Variants in NFATC3 observed in about 807,000 individuals in gnomAD.
The protein encoded by NFATC3 is nuclear factor of activated T cells 3.
In NFATC3, 46 loss-of-function variants were observed where a neutral mutation model predicts 98.6. The observed-to-expected ratio is 0.47, with a 90% CI of 0.37 to 0.60. The LOEUF is 0.60. Ranked by LOEUF, NFATC3 falls within the 20% of genes least tolerant of loss-of-function variation. NFATC3 has a pLI of 0.00. For synonymous variants in NFATC3, 512 were observed against 472.2 expected (o/e 1.08, Z -1.09); for missense variants, 1,256 against 1,295.5 (o/e 0.97, Z 0.47).
In NFATC3 at chr16:68,127,167, C is replaced by G. The variant is rs112849782; in HGVS notation, c.1401+557C>G. ...GGCAGAGGTTGCAGTGAGCCAAGAT[C>G]GTGTCGCTGCACTCCAGCCTGGGTG... On this transcript the variant is annotated intron_variant, in intron 3 of 9. Transcript: ENST00000346183. Among the ~76,000 whole-genome samples, 12 of 152,136 alleles carry G rather than the reference C, an allele frequency of 7.9e-5. No homozygotes were observed. In the South Asian group the frequency reaches 1.2e-3, roughly 16 times the overall value.
chr16:68,128,324 T>A (rs993631493), intron 3 of NFATC3, among the ~76,000 whole-genome samples: 7 of 152,150 alleles, frequency 4.6e-5, no homozygotes, highest in Admixed American at 2.0e-4. Flanking sequence ...TGGGTTTTTT[T>A]AATGATTTGT....
At chr16:68,178,548 G>T (rs747220143) in intron 6 of NFATC3, among the ~76,000 whole-genome samples, 6 of 152,134 alleles carry the variant, frequency 3.9e-5, no homozygotes, top group Non-Finnish European at 5.9e-5. Context: ...TGTAGTGGGG[G>T]AAGCACCTAT....
intron 4 of NFATC3, among the ~76,000 whole-genome samples, chr16:68,163,090 A>T (rs1310920414): frequency 6.6e-6 from 1 of 152,170 alleles, no homozygotes; most frequent in Non-Finnish European, 1.5e-5. Context: ...ACAGAATGAG[A>T]ATTTTTCTTA....
chr16:68,144,212 T>C (rs1236266638), intron 3 of NFATC3, among the ~76,000 whole-genome samples: 1 of 152,114 alleles, frequency 6.6e-6, no homozygotes, highest in Admixed American at 6.6e-5. Context: ...ATTAGGGAAA[T>C]GCAAATTAAA....
rs191788720 is a variant in NFATC3, at chr16:68,194,891, G to C, written c.3106+3116G>C. ...GTTGCAAAAACAGAAGATCTGGAAAGGTGAGGTCTGTGAGGGCAACTGTAA... is the reference window on the plus strand; with the variant it reads ...GTTGCAAAAACAGAAGATCTGGAAACGTGAGGTCTGTGAGGGCAACTGTAA... On this transcript the variant is annotated intron_variant, in intron 9 of 9. Coordinates refer to ENST00000346183, the MANE Select transcript of NFATC3 (RefSeq NM_173165.3). Among the ~76,000 whole-genome samples, 140 of 152,248 alleles carry C rather than the reference G, an allele frequency of 9.2e-4. 2 individuals are homozygous for C. The Middle Eastern group carries it at 0.031, about 33-fold the overall frequency.
rs549428583 is a variant in NFATC3 at position 68,218,792 on chromosome 16, C to G, written c.3107-7558C>G. Among the ~76,000 whole-genome samples the G allele has an allele frequency of 5.2e-3, 781 of 150,970 alleles. 4 individuals are homozygous for G. The highest frequency in any genetic ancestry group is 0.018 in the African/African-American group (763 of 41,288). ...TTTCACCATGTTAGCCAGGATGGTC[C>G]CAATCTCCTGACCTCATGATCCGCC... On this transcript the variant is annotated intron_variant, in intron 9 of 9. Coordinates refer to ENST00000346183, the MANE Select transcript of NFATC3 (RefSeq NM_173165.3).
chr16:68,161,581 T>G (rs2151583190), intron 4 of NFATC3, among the ~76,000 whole-genome samples: 1 of 152,306 alleles, frequency 6.6e-6, no homozygotes, highest in South Asian at 2.1e-4. Context: ...CATGGTAGAT[T>G]TTGCTTTACC....
intron 9 of NFATC3, chr16:68,225,908 A>G (rs2042023339): frequency 6.6e-6 from 1 of 152,498 alleles, no homozygotes; most frequent in African/African-American, 2.4e-5. Flanking sequence ...AAATGCCCCC[A>G]CATAATAAAG....
rs780431396 is a variant in NFATC3, at chr16:68,123,060, C to A, written c.1177C>A (p.Leu393Ile). 13 of 1,610,714 alleles carry A rather than the reference C, an allele frequency of 8.1e-6. No homozygotes were observed. The highest frequency in any genetic ancestry group is 1.1e-5 in the Non-Finnish European group (13 of 1,180,010). The part of the protein sequence containing the change: ...LKKDSCGDQF[L>I]SVPSPFTWSK... ...GAAAGATTCATGTGGTGATCAGTTT[C>A]TTTCAGTTCCTTCACCCTTTACCTG... Residue 393 changes from leucine (L) to isoleucine (I), a missense_variant, in exon 2 of 10, where the codon CTT becomes ATT. Around this residue, in one of 3 missense-constraint regions of NFATC3, gnomAD observed 156 missense variants for 212.4 expected, o/e 0.73. Coordinates refer to ENST00000346183, the MANE Select transcript of NFATC3 (RefSeq NM_173165.3).
At chr16:68,130,350 C>T (rs979663182) in intron 3 of NFATC3, among the ~76,000 whole-genome samples, 28 of 152,036 alleles carry the variant, frequency 1.8e-4, no homozygotes, top group African/African-American at 5.3e-4. Flanking sequence ...CCATGCTAAC[C>T]GGAGTGATAT....
chr16:68,156,651 G>A (rs1430828131), intron 3 of NFATC3, among the ~76,000 whole-genome samples: 1 of 152,062 alleles, frequency 6.6e-6, no homozygotes, highest in Non-Finnish European at 1.5e-5. Context: ...TTTAAAAAAA[G>A]CAAAACAGCC....
intron 9 of NFATC3, among the ~76,000 whole-genome samples, chr16:68,224,272 A>G (rs2151184459): frequency 7.1e-6 from 1 of 140,100 alleles, no homozygotes; most frequent in East Asian, 2.0e-4. Context: ...GCTAAGCCAA[A>G]TCTTTTTTTT....
intron 1 of NFATC3, among the ~76,000 whole-genome samples, chr16:68,111,132 G>A (rs2035923262): frequency 6.6e-6 from 1 of 151,632 alleles, no homozygotes; most frequent in Non-Finnish European, 1.5e-5. Context: ...TTCTGTTTTT[G>A]GGTAAGTCTA....
At position 68,191,265 on chromosome 16, in the gene NFATC3, T is replaced by G; in HGVS notation, c.2596T>G (p.Leu866Val). Residue 866 changes from leucine (L) to valine (V), a missense_variant, in exon 9 of 10, where the codon TTA (leucine) becomes GTA (valine). Transcript: ENST00000346183. ...SSNSGSTGHL[L>V]AHTPHSVHTL... ...AAATTCAGGCTCAACAGGACATCTC[T>G]TAGCCCATACACCTCATTCTGTGCA... The G allele has an allele frequency of 1.7e-5, 27 of 1,614,188 alleles. No homozygotes were observed. The highest frequency in any genetic ancestry group is 2.0e-5 in the Non-Finnish European group (24 of 1,180,026).
At chr16:68,135,023 T>C (rs1189778535) in intron 3 of NFATC3, among the ~76,000 whole-genome samples, 1 of 152,088 alleles carries the variant, frequency 6.6e-6, no homozygotes, top group Non-Finnish European at 1.5e-5. Flanking sequence ...TGTAGAATTA[T>C]GTAACACTGT....
chr16:68,209,693 G>T, intron 9 of NFATC3: 1 of 428,076 alleles, frequency 2.3e-6, no homozygotes, highest in South Asian at 1.8e-5. Context: ...TTGATGACAA[G>T]AAGCTAGGGG....
intron 9 of NFATC3, among the ~76,000 whole-genome samples, chr16:68,211,559 G>A (rs896036769): frequency 1.4e-5 from 2 of 146,640 alleles, no homozygotes; most frequent in Non-Finnish European, 3.0e-5. Flanking sequence ...GTCTCACCCT[G>A]TTGCCCAGTC....
chr16:68,197,203 C>G (rs1290065919), intron 9 of NFATC3, among the ~76,000 whole-genome samples: 1 of 152,158 alleles, frequency 6.6e-6, no homozygotes, highest in Non-Finnish European at 1.5e-5. Flanking sequence ...CTTGGCCTCT[C>G]AAAGTTCTGG....
chr16:68,142,873 GC>G (rs1567518274), intron 3 of NFATC3, among the ~76,000 whole-genome samples: 2 of 151,982 alleles, frequency 1.3e-5, no homozygotes, highest in Non-Finnish European at 2.9e-5. Context: ...CAACTTAAAT[GC>G]CCTTTACTTC....
Sources: allele counts gnomAD v4.1 joint callset (sites outside exome capture counted in the v4.1 genomes callset), GRCh38; gene constraint gnomAD v4.1.1; regional missense constraint gnomAD v4.1.1; transcripts MANE v1.5; gene names NCBI Gene and HGNC (gene_info 2026-07-23, HGNC 2026-07-21).